The following ANKRD30A variants were observed in gnomAD, a reference collection of about 807,000 sequenced individuals.
ANKRD30A encodes the protein ankyrin repeat domain-containing protein 30A.
A neutral mutation model predicts 166.3 loss-of-function variants in ANKRD30A; 170 were observed. The ratio of observed to expected loss-of-function variants is 1.02; its 90% confidence interval spans 0.90 to 1.16. The LOEUF is 1.16. Among genes scored for constraint, ANKRD30A ranks in the 50% most tolerant of loss-of-function variants. ANKRD30A has a pLI of 0.00. For missense variants in ANKRD30A, 1,630 were observed against 1,518.0 expected, an observed-to-expected ratio of 1.07 and a Z score of -1.23; for synonymous variants, 564 against 508.9, an observed-to-expected ratio of 1.11 and a Z score of -1.46.
chr10:37,208,564 T>C (rs543389394), intron 31 of ANKRD30A, among the ~76,000 whole-genome samples: 129 of 152,252 alleles, frequency 8.5e-4, no homozygotes, highest in Non-Finnish European at 1.1e-3. Context: ...TGTAGGCTTC[T>C]TGAGACCTCC....
At chr10:37,160,168 T>A (rs546407952) in intron 15 of ANKRD30A, among the ~76,000 whole-genome samples, 6 of 152,344 alleles carry the variant, frequency 3.9e-5, no homozygotes, top group Non-Finnish European at 8.8e-5. Flanking sequence ...GACCGTCTTT[T>A]CTAGCCACTA....
chr10:37,157,906 A>G (rs1838509317), intron 13 of ANKRD30A, among the ~76,000 whole-genome samples: 1 of 152,144 alleles, frequency 6.6e-6, no homozygotes, highest in African/African-American at 2.4e-5. Context: ...CAACTTTGCA[A>G]TTCCTAAACT....
chr10:37,192,921 T>A (rs1221857371), intron 25 of ANKRD30A, 143 bp from the exon 26 acceptor site: 23 of 1,480,500 alleles, frequency 1.6e-5, no homozygotes, highest in Non-Finnish European at 2.2e-5. Flanking sequence ...ACAAATACAG[T>A]AACCCAAAAG....
At chr10:37,204,816 G>T (rs559043854) in intron 31 of ANKRD30A, among the ~76,000 whole-genome samples, 30 of 152,264 alleles carry the variant, frequency 2.0e-4, no homozygotes, top group South Asian at 1.9e-3. Context: ...CTCAAAAGAA[G>T]ATATTTATGC....
At position 37,133,996 on chromosome 10, in the gene ANKRD30A, C is replaced by T. The variant is rs779728917; in HGVS notation, c.698C>T (p.Ala233Val). 8 of 1,614,094 alleles carry T rather than the reference C, an allele frequency of 5.0e-6. No individual in the cohort carries two copies. Among genetic ancestry groups the T allele is most frequent in the Non-Finnish European group, 6.8e-6 (8 of 1,179,964 alleles). ...MLLQQNVDVF[A>V]ADICGVTAEH... is the part of the protein sequence containing the mutation. ...CTTCAGCAAAATGTTGACGTCTTTG[C>T]TGCAGATATATGTGGAGTAACTGCA... Residue 233 changes from alanine to valine, a missense_variant, in exon 5 of 36, where the codon GCT becomes GTT. Physicochemically the swap from Ala to Val is moderately conservative, Grantham distance 64 (BLOSUM62 0). This residue lies in a region of ANKRD30A where 904 missense variants were observed against 818.5 expected (regional missense o/e 1.10). Coordinates refer to ENST00000361713, the MANE Select transcript of ANKRD30A (RefSeq NM_052997.3).
intron 1 of ANKRD30A, among the ~76,000 whole-genome samples, chr10:37,126,339 T>G (rs1836008379): frequency 6.6e-6 from 1 of 152,232 alleles, no homozygotes; most frequent in Non-Finnish European, 1.5e-5. Context: ...ATTAAGTACA[T>G]ACAGGGTTTT....
the ANKRD30A span, among the ~76,000 whole-genome samples, chr10:37,258,981 A>T: frequency 6.6e-6 from 1 of 151,108 alleles, no homozygotes; most frequent in Non-Finnish European, 1.5e-5. Context: ...AAAAAAAAAA[A>T]AAAACAAGCT....
In ANKRD30A at chr10:37,183,335, G is replaced by A. The variant is rs1008340137; in HGVS notation, c.2422-6132G>A. On this transcript the variant is annotated intron_variant, in intron 24 of 35. Coordinates refer to ENST00000361713, the MANE Select transcript of ANKRD30A (RefSeq NM_052997.3). ...ATAGGAGAAATAGGAAAAACATTAT[G>A]TGAACTATTAGGCCCCCGGTGTATT... is the stretch of plus-strand genomic sequence containing the variant. Among the ~76,000 whole-genome samples, 24 of 145,018 alleles carry A rather than the reference G, an allele frequency of 1.7e-4. 2 individuals are homozygous for A. The highest frequency in any genetic ancestry group is 4.7e-4 in the African/African-American group (19 of 40,262).
chr10:37,132,419 T>C, intron 4 of ANKRD30A, 73 bp downstream of exon 4: 1 of 799,490 alleles, frequency 1.3e-6, no homozygotes, highest in Non-Finnish European at 1.9e-6. Flanking sequence ...GTCAGAAATA[T>C]TTAATAACAT....
At position 37,219,914 on chromosome 10, in the gene ANKRD30A, A is replaced by G; in HGVS notation, c.4185+17A>G. 6.9e-7 allele frequency: 1 copy of G among 1,450,430 alleles called. No homozygotes were observed. Among genetic ancestry groups the G allele is most frequent in the Non-Finnish European group, 9.1e-7 (1 of 1,100,874 alleles). 89.8% of individuals were successfully genotyped at this position (1,450,430 alleles called of 1,614,324 possible). A position where few individuals can be genotyped will look rare whatever the true frequency, so the allele number is the denominator to read the frequency against. On this transcript the variant is annotated intron_variant, in intron 34 of 35. Coordinates refer to ENST00000361713, the MANE Select transcript of ANKRD30A (RefSeq NM_052997.3). ...GAAACAGAAGTAAGTATCAAAAAAT[A>G]TAAATACTTGTCAAACTTCCTGAAA... is the stretch of plus-strand genomic sequence containing the variant.
At chr10:37,205,615 T>G (rs1754304553) in intron 31 of ANKRD30A, among the ~76,000 whole-genome samples, 1 of 151,850 alleles carries the variant, frequency 6.6e-6, no homozygotes, top group Admixed American at 6.6e-5. Flanking sequence ...AAAAAAAATT[T>G]CCACCCGTAC....
chr10:37,141,820 C>T lies in ANKRD30A; in HGVS notation c.923C>T (p.Pro308Leu), dbSNP rs763623807. Residue 308 changes from proline to leucine, a missense_variant, in exon 7 of 36, where the codon CCC becomes CTC. By Grantham distance (98) the Pro-to-Leu change is moderately conservative. Coordinates refer to ENST00000361713, the MANE Select transcript of ANKRD30A (RefSeq NM_052997.3). ...GAAAAAACACCTGATGAGGCTGCACCCTTGGTGGAAAGAACACCTGACACG... is the reference window on the plus strand; with the variant it reads ...GAAAAAACACCTGATGAGGCTGCACTCTTGGTGGAAAGAACACCTGACACG... ...LVEKTPDEAA[P>L]LVERTPDTAE... 86 of 1,613,496 alleles carry T rather than the reference C, an allele frequency of 5.3e-5. No individual in the cohort carries two copies. In the Admixed American group the frequency reaches 1.4e-3, roughly 27 times the overall value.
At chr10:37,238,888 T>C in the ANKRD30A span, among the ~76,000 whole-genome samples, 1 of 152,278 alleles carries the variant, frequency 6.6e-6, no homozygotes, top group East Asian at 1.9e-4. Flanking sequence ...GTCACATTAT[T>C]AAATTTACCA....
At chr10:37,132,850 T>A (rs1426270609) in intron 4 of ANKRD30A, among the ~76,000 whole-genome samples, 2 of 152,012 alleles carry the variant, frequency 1.3e-5, no homozygotes, top group Non-Finnish European at 2.9e-5. Context: ...ATACAAAAAT[T>A]AGCTGGGCAT....
intron 29 of ANKRD30A, among the ~76,000 whole-genome samples, chr10:37,198,737 C>G (rs900512403): frequency 2.0e-5 from 3 of 152,046 alleles, no homozygotes; most frequent in African/African-American, 7.2e-5. Context: ...GCTGTGATCA[C>G]AAGTTAAATT....
At position 37,226,246 on chromosome 10, in the gene ANKRD30A, T is replaced by A. The variant is rs1470641582; in HGVS notation, c.4186-5215T>A. ...ACATTAGGTATATCTCCTAATGCTA[T>A]CCCTCCCCCCTCCCCCCACCCCACA... On this transcript the variant is annotated intron_variant, in intron 34 of 35. Transcript: ENST00000361713. Among the ~76,000 whole-genome samples, 3 of 126,964 alleles carry A rather than the reference T, an allele frequency of 2.4e-5. No individual in the cohort carries two copies. The Admixed American group carries it at 2.5e-4, about 11-fold the overall frequency. The allele number at this position is 126,964 out of a possible 152,430, so 83.3% of individuals were successfully genotyped here.
At chr10:37,139,055 G>A (rs1320660697) in intron 6 of ANKRD30A, among the ~76,000 whole-genome samples, 1 of 152,192 alleles carries the variant, frequency 6.6e-6, no homozygotes, top group East Asian at 1.9e-4. Flanking sequence ...AGCCAGAAGA[G>A]AGTGGGGGCC....
At chr10:37,224,465 C>G (rs1235508407) in intron 34 of ANKRD30A, among the ~76,000 whole-genome samples, 1 of 150,300 alleles carries the variant, frequency 6.7e-6, no homozygotes, top group Non-Finnish European at 1.5e-5. Flanking sequence ...TTGATACACA[C>G]ACACACACGT....
chr10:37,133,673 A>G (rs1564466462), intron 4 of ANKRD30A, among the ~76,000 whole-genome samples: 1 of 152,226 alleles, frequency 6.6e-6, no homozygotes, highest in African/African-American at 2.4e-5. Context: ...ATTAGTGAAC[A>G]GAGCATAATT....
Sources: gnomAD v4.1 joint callset for allele counts (sites outside exome capture counted in the v4.1 genomes callset) on GRCh38, gnomAD v4.1.1 for gene constraint, gnomAD v4.1.1 regional missense constraint, MANE v1.5 for transcripts, NCBI Gene and HGNC (gene_info 2026-07-23, HGNC 2026-07-21) for gene names.